The following WDR19 variants were observed in gnomAD, a reference collection of about 807,000 sequenced individuals.
The protein encoded by WDR19 is WD repeat-containing protein 19.
A neutral mutation model predicts 180.0 loss-of-function variants in WDR19; 121 were observed. The observed-to-expected ratio is 0.67, with a 90% CI of 0.58 to 0.78. WDR19 has a LOEUF of 0.78. Among genes scored for constraint, WDR19 ranks in the 30% least tolerant of loss-of-function variants. WDR19 has a pLI of 0.00. For missense variants in WDR19, 1,450 were observed against 1,640.7 expected, an observed-to-expected ratio of 0.88 and a Z score of 2.01; for synonymous variants, 497 against 540.7, an observed-to-expected ratio of 0.92 and a Z score of 1.12.
intron 3 of WDR19, 117 bp downstream of exon 3, chr4:39,186,721 G>A (rs1247474152): frequency 8.6e-6 from 6 of 695,492 alleles, no homozygotes; most frequent in Non-Finnish European, 1.4e-5. Flanking sequence ...ATTTGCAAAG[G>A]GATTTGTTTT....
chr4:39,256,130 C>A (rs1733734257), intron 27 of WDR19, among the ~76,000 whole-genome samples, 170 bp downstream of exon 27: 1 of 152,150 alleles, frequency 6.6e-6, no homozygotes, highest in Non-Finnish European at 1.5e-5. Flanking sequence ...CACACCCAGT[C>A]ACAACCTTCC....
chr4:39,222,261 AGTT>A (rs1445196813), intron 14 of WDR19, among the ~76,000 whole-genome samples: 1 of 152,022 alleles, frequency 6.6e-6, no homozygotes, highest in East Asian at 1.9e-4. Flanking sequence ...TTTTTGATTG[AGTT>A]GTTTTCTTAT....
chr4:39,249,212 A>C (rs1268906750), intron 24 of WDR19, among the ~76,000 whole-genome samples: 2 of 152,054 alleles, frequency 1.3e-5, no homozygotes, highest in East Asian at 1.9e-4. Context: ...GCTCAACTAC[A>C]TGGAAACTGA....
chr4:39,272,090 C>G (rs976588586), intron 31 of WDR19, among the ~76,000 whole-genome samples: 1 of 152,174 alleles, frequency 6.6e-6, no homozygotes, highest in Non-Finnish European at 1.5e-5. Flanking sequence ...GAGGATCCTT[C>G]TTCCATAAAG....
At chr4:39,261,144 AT>A (rs35966394) in intron 28 of WDR19, among the ~76,000 whole-genome samples, 77,293 of 134,954 alleles carry the variant, frequency 0.57, 23,807 homozygotes, top group South Asian at 0.78. Context: ...ACACGCGGCT[AT>A]TTTTTTTTTT....
intron 33 of WDR19, among the ~76,000 whole-genome samples, chr4:39,276,432 C>T (rs980039221): frequency 6.6e-6 from 1 of 152,156 alleles, no homozygotes; most frequent in Non-Finnish European, 1.5e-5. Context: ...GTCATTCTCT[C>T]CCCATGCACA....
Position 39,234,775 on chromosome 4 carries a change from G to A in WDR19, c.2263G>A (p.Asp755Asn), listed in dbSNP as rs1426110472. The change falls in exon 20 of 37, where the codon GAT becomes AAT. Residue 755 changes from aspartate to asparagine, a missense_variant. Transcript: ENST00000399820. ...TTTCTCTTCTTAACAGATGAGAAGG[G>A]ATTTACAGCATTGGGACAGTGCTCT... The part of the protein sequence containing the change: ...CPIAALEMRR[D>N]LQHWDSALQL... The A allele has an allele frequency of 1.9e-6, 3 of 1,575,648 alleles. No homozygotes were observed. The highest frequency in any genetic ancestry group is 2.6e-6 in the Non-Finnish European group (3 of 1,159,164).
chr4:39,275,755 G>T (rs1419716544), intron 33 of WDR19, among the ~76,000 whole-genome samples: 1 of 152,192 alleles, frequency 6.6e-6, no homozygotes, highest in South Asian at 2.1e-4. Flanking sequence ...TGTTGGCAAG[G>T]AGATGGAGAG....
chr4:39,232,528 G>A (rs1730986444), intron 19 of WDR19, among the ~76,000 whole-genome samples: 1 of 152,046 alleles, frequency 6.6e-6, no homozygotes, highest in Non-Finnish European at 1.5e-5. Flanking sequence ...AGGAGGCTGA[G>A]ACAGGAGAAC....
intron 24 of WDR19, among the ~76,000 whole-genome samples, chr4:39,247,439 T>C (rs1732650136): frequency 6.6e-6 from 1 of 152,090 alleles, no homozygotes; most frequent in Non-Finnish European, 1.5e-5. Flanking sequence ...ACTCTAAAAA[T>C]CAGAGCGCCT....
chr4:39,265,770 CAAAAA>C (rs11326526), intron 28 of WDR19, among the ~76,000 whole-genome samples: 4 of 81,076 alleles, frequency 4.9e-5, no homozygotes, highest in Non-Finnish European at 9.4e-5. Context: ...GACTCTGTCT[CAAAAA>C]AAAAAAAAAA....
chr4:39,268,154 T>G, intron 30 of WDR19, 63 bp downstream of exon 30: 1 of 1,428,576 alleles, frequency 7.0e-7, no homozygotes, highest in Non-Finnish European at 9.5e-7. Context: ...CCCAGCCCCT[T>G]TTCTGTGTAG....
At chr4:39,225,231 A>G (rs1292140875) in intron 15 of WDR19, among the ~76,000 whole-genome samples, 198 bp downstream of exon 15, 1 of 152,178 alleles carries the variant, frequency 6.6e-6, no homozygotes, top group Non-Finnish European at 1.5e-5. Flanking sequence ...GTAATTTTTC[A>G]TAGTGGCCAT....
At position 39,255,877 on chromosome 4, in the gene WDR19, C is replaced by T; in HGVS notation, c.3031C>T (p.Gln1011Ter). The T allele has an allele frequency of 6.2e-7, 1 of 1,605,470 alleles. No individual in the cohort carries two copies. The highest frequency in any genetic ancestry group is 8.5e-7 in the Non-Finnish European group (1 of 1,175,794). The change falls in exon 27 of 37, where the codon CAA becomes TAA. Residue 1011 changes from glutamine (Q) to a stop codon, truncating the protein, a stop_gained. Coordinates refer to ENST00000399820, the MANE Select transcript of WDR19 (RefSeq NM_025132.4). LOFTEE classifies it high-confidence loss of function. Reference protein sequence around the residue: ...GSEDTTNEDYQSIALYFEGEK... With the variant: ...GSEDTTNEDY ...TGAAGACACTACTAATGAAGACTAT[C>T]AAAGCATTGCCTTATACTTTGAAGG...
intron 20 of WDR19, among the ~76,000 whole-genome samples, chr4:39,236,753 G>A (rs1186581775): frequency 1.3e-5 from 2 of 152,250 alleles, no homozygotes; most frequent in East Asian, 3.9e-4. Flanking sequence ...CCTTTATGAT[G>A]CATGAATAGG....
rs772700916 is a variant in WDR19, at chr4:39,194,550, A to G, written c.297A>G (p.Gln99=). The G allele has an allele frequency of 5.0e-6, 8 of 1,608,802 alleles. No individual in the cohort carries two copies. The highest frequency in any genetic ancestry group is 2.2e-5 in the South Asian group (2 of 90,414). ...TTATATCTTAATGTTACAGGGATCA[A>G]ATGTCTTTCCTTCTTTGGTCAAAAG... ...TSQLDNGMRD[Q]MSFLLWSKVG... is the part of the protein sequence containing the mutation. Residue 99 remains glutamine, a synonymous_variant, in exon 5 of 37, where the codon CAA becomes CAG. Transcript: ENST00000399820.
intron 9 of WDR19, among the ~76,000 whole-genome samples, chr4:39,210,541 G>A (rs550291549): frequency 1.3e-4 from 20 of 151,610 alleles, no homozygotes; most frequent in South Asian, 2.1e-4. Context: ...CAGGCATGGC[G>A]GCATGTGCCT....
At chr4:39,216,636 T>G (rs780201335) in intron 12 of WDR19, among the ~76,000 whole-genome samples, 1 of 152,210 alleles carries the variant, frequency 6.6e-6, no homozygotes, top group Non-Finnish European at 1.5e-5. Context: ...TAAGCACTCT[T>G]AAACCTAGTG....
At chr4:39,275,201 G>T in intron 33 of WDR19, 1 of 455,928 alleles carries the variant, frequency 2.2e-6, no homozygotes, top group South Asian at 2.0e-5. Context: ...TTGGCTGGGC[G>T]TGGTGGTGCA....
Sources: allele counts gnomAD v4.1 joint callset (sites outside exome capture counted in the v4.1 genomes callset), GRCh38; gene constraint gnomAD v4.1.1; transcripts MANE v1.5; gene names NCBI Gene and HGNC (gene_info 2026-07-23, HGNC 2026-07-21).